ADGRB2: variants seen among roughly 807,000 people sequenced by gnomAD.
ADGRB2 encodes adhesion G protein-coupled receptor B2.
A neutral mutation model predicts 178.7 loss-of-function variants in ADGRB2; 47 were observed. That is an observed-to-expected ratio of 0.26 (90% CI 0.21 to 0.34). The LOEUF (loss-of-function observed/expected upper bound fraction) is 0.34, where lower values mean the gene tolerates loss of function less well. ADGRB2 is among the 10% of genes least tolerant of loss of function. The pLI, the probability that ADGRB2 is intolerant of heterozygous loss-of-function variation, is 1.00. For missense variants in ADGRB2, 1,584 were observed against 2,180.8 expected (o/e 0.73, Z 5.45); for synonymous variants, 870 against 912.4 (o/e 0.95, Z 0.84).
Position 31,737,253 on chromosome 1 carries a change from CT to C in ADGRB2, c.2979+175del, listed in dbSNP as rs1185317810. Among the ~76,000 whole-genome samples the C allele has an allele frequency of 2.6e-5, 4 of 152,296 alleles. No individual in the cohort carries two copies. The East Asian group carries it at 5.8e-4, about 22-fold the overall frequency. ...AGTTCCTCACTTGAGTACACACCCC[CT>C]CTCCAATGTCCTCACATATGGTCTC... On this transcript the variant is annotated intron_variant, in intron 20 of 32. Coordinates refer to ENST00000373658, the MANE Select transcript of ADGRB2 (RefSeq NM_001364857.2).
rs1647140569 is a variant in ADGRB2, at chr1:31,764,326, C to A, written c.-633G>T. ...GCCGCTCCGGCCGCTGCCCGCAGCG[C>A]GCGCCGGGCCGAGTGACGGCCGAGG... On this transcript the variant is annotated 5_prime_UTR_variant, in exon 1 of 33. Coordinates refer to ENST00000373658, the MANE Select transcript of ADGRB2 (RefSeq NM_001364857.2). The surrounding 1 kb of genome is among the most constrained non-coding windows in gnomAD (Gnocchi z 7.3). The A allele has an allele frequency of 6.5e-6, 1 of 154,714 alleles. No homozygotes were observed. The highest frequency in any genetic ancestry group is 2.5e-5 in the African/African-American group (1 of 40,602). 9.6% of individuals were successfully genotyped at this position (154,714 alleles called of 1,614,324 possible).
At chr1:31,736,875 A>G in intron 20 of ADGRB2, 152 bp from the exon 21 acceptor site, 1 of 1,217,716 alleles carries the variant, frequency 8.2e-7, no homozygotes, top group Middle Eastern at 2.9e-4. Context: ...GCCTTCCTGC[A>G]CCCACACACA....
rs1569681687 is a variant in ADGRB2 at position 31,727,878 on chromosome 1, C to T, written c.4572+147G>A. On this transcript the variant is annotated intron_variant, in intron 32 of 32. Transcript: ENST00000373658. This position sits in a 1 kb window ranked among gnomAD's most constrained non-coding sequence, Gnocchi z 4.4. ...CTGTTCGCCATCTGCAGCACCTTCC[C>T]CACCCCCAGGCGGCCCCAGACTGTT... 1 of 1,150,890 alleles carries T rather than the reference C, an allele frequency of 8.7e-7. No homozygotes were observed. Among genetic ancestry groups the T allele is most frequent in the East Asian group, 2.6e-5 (1 of 38,782 alleles). 71.3% of individuals were successfully genotyped at this position (1,150,890 alleles called of 1,614,324 possible). A position where few individuals can be genotyped will look rare whatever the true frequency, so the allele number is the denominator to read the frequency against.
In ADGRB2 at chr1:31,739,529, G is replaced by A; in HGVS notation, c.2274C>T (p.Arg758=). The change falls in exon 15 of 33, where the codon CGC becomes CGT. Residue 758 remains arginine, a synonymous_variant. Transcript: ENST00000373658. The part of the protein sequence containing the change: ...MKDWVRHSED[R]LFLPKEVLSL... ...TGAGCACCTCCTTGGGCAGGAAGAG[G>A]CGGTCCTCTGAGTGCCGCACCCAGT... 6.2e-7 allele frequency: 1 copy of A among 1,613,120 alleles called. No homozygotes were observed. Among genetic ancestry groups the A allele is most frequent in the Non-Finnish European group, 8.5e-7 (1 of 1,179,968 alleles).
intron 14 of ADGRB2, 95 bp downstream of exon 14, chr1:31,739,831 C>A: frequency 7.7e-7 from 1 of 1,296,286 alleles, no homozygotes; most frequent in Non-Finnish European, 1.1e-6. Context: ...AGAATGTGGA[C>A]AGAAAGATAC....
intron 6 of ADGRB2, 71 bp from the exon 7 acceptor site, chr1:31,743,073 G>A (rs376564200): frequency 1.2e-5 from 16 of 1,336,558 alleles, no homozygotes; most frequent in South Asian, 1.8e-5. Context: ...CTGCCCATCC[G>A]CCCACCAATC....
chr1:31,730,313 T>C (rs779307445), intron 29 of ADGRB2, among the ~76,000 whole-genome samples: 2 of 152,184 alleles, frequency 1.3e-5, no homozygotes, highest in Non-Finnish European at 2.9e-5. Context: ...TCCCCAATTA[T>C]CTAGCACTTT....
rs1471696134 is a variant in ADGRB2, at chr1:31,735,966, T to C, written c.3201-73A>G. The C allele has an allele frequency of 6.9e-7, 1 of 1,439,746 alleles. No homozygotes were observed. The highest frequency in any genetic ancestry group is 9.4e-7 in the Non-Finnish European group (1 of 1,062,786). 89.2% of individuals were successfully genotyped at this position (1,439,746 alleles called of 1,614,324 possible). On this transcript the variant is annotated intron_variant, in intron 22 of 32. Transcript: ENST00000373658. This position sits in a 1 kb window ranked among gnomAD's most constrained non-coding sequence, Gnocchi z 6.0. ...CCCACCCTCAAACACCATCCCTCAGTCCTCCCAGGCTGCCATGCCCGCATC... is the reference window on the plus strand; with the variant it reads ...CCCACCCTCAAACACCATCCCTCAGCCCTCCCAGGCTGCCATGCCCGCATC...
Position 31,756,434 on chromosome 1 carries a change from C to T in ADGRB2, c.403G>A (p.Ala135Thr), listed in dbSNP as rs761267523. Residue 135 changes from alanine (A) to threonine (T), a missense_variant, in exon 4 of 33, where the codon GCG (alanine) becomes ACG (threonine). By Grantham distance (58) the Ala-to-Thr change is moderately conservative (BLOSUM62 0). Around this residue, in one of 3 missense-constraint regions of ADGRB2, gnomAD observed 657 missense variants for 847.6 expected, o/e 0.78. Coordinates refer to ENST00000373658, the MANE Select transcript of ADGRB2 (RefSeq NM_001364857.2). This position sits in a 1 kb window ranked among gnomAD's most constrained non-coding sequence, Gnocchi z 8.5. The stretch of plus-strand genomic sequence containing the variant: ...CTGCACAGCTCCAACCCCGCTGCCG[C>T]CTCTGCCTCCTCCTCTTCTGGCCGC... ...VGRPEEEEAE[A>T]AAGLELCSGS... 3 of 1,611,920 alleles carry T rather than the reference C, an allele frequency of 1.9e-6. No individual in the cohort carries two copies. The highest frequency in any genetic ancestry group is 2.5e-6 in the Non-Finnish European group (3 of 1,179,242).
At chr1:31,742,453 A>AAGAG (rs1001004714) in intron 7 of ADGRB2, among the ~76,000 whole-genome samples, 1 of 152,190 alleles carries the variant, frequency 6.6e-6, no homozygotes, top group Admixed American at 6.5e-5. Context: ...CTCTCCTCTT[A>AAGAG]GCACAAGGCA....
At position 31,755,130 on chromosome 1, in the gene ADGRB2, A is replaced by G. The variant is rs1216725628; in HGVS notation, c.838+869T>C. ...CCAGACCTGCCTCCTTCCCATCCCC[A>G]TGTCATCAGTCCCTGTTCCCTCCAG... is the stretch of plus-strand genomic sequence containing the variant. On this transcript the variant is annotated intron_variant, in intron 4 of 32. Transcript: ENST00000373658. This position sits in a 1 kb window ranked among gnomAD's most constrained non-coding sequence, Gnocchi z 5.1. Among the ~76,000 whole-genome samples, 1 of 152,040 alleles carries G rather than the reference A, an allele frequency of 6.6e-6. No homozygotes were observed. Among genetic ancestry groups the G allele is most frequent in the Admixed American group, 6.5e-5 (1 of 15,276 alleles).
intron 29 of ADGRB2, among the ~76,000 whole-genome samples, chr1:31,730,141 G>T (rs143353813): frequency 0.017 from 2,534 of 152,320 alleles, 40 homozygotes; most frequent in Middle Eastern, 0.031. Flanking sequence ...GTGATCCTCT[G>T]CAGGGAGCAG....
At position 31,727,339 on chromosome 1, in the gene ADGRB2, G is replaced by T; in HGVS notation, c.*81C>A. Reference sequence around the variant, plus strand: ...CCCTCGGGAGAGGGGAGAGGGCGCTGGCTCCTGGGTAGTTCCAAAGTGGAG... The same window carrying T: ...CCCTCGGGAGAGGGGAGAGGGCGCTTGCTCCTGGGTAGTTCCAAAGTGGAG... On this transcript the variant is annotated 3_prime_UTR_variant, in exon 33 of 33. Transcript: ENST00000373658. This position sits in a 1 kb window ranked among gnomAD's most constrained non-coding sequence, Gnocchi z 4.4. 1 of 1,451,574 alleles carries T rather than the reference G, an allele frequency of 6.9e-7. No homozygotes were observed. 89.9% of individuals were successfully genotyped at this position (1,451,574 alleles called of 1,614,324 possible).
In ADGRB2 at chr1:31,756,084, C is replaced by G; in HGVS notation, c.753G>C (p.Leu251=). The G allele has an allele frequency of 6.2e-7, 1 of 1,614,010 alleles. No individual in the cohort carries two copies. Among genetic ancestry groups the G allele is most frequent in the Non-Finnish European group, 8.5e-7 (1 of 1,179,984 alleles). ...PPAAHTLSNA[L]VPGGPAPPAE... ...CAGGTGGGGCTGGGCCCCCGGGCAC[C>G]AGGGCATTGGACAGGGTGTGGGCAG... The change falls in exon 4 of 33, where the codon CTG becomes CTC. Residue 251 remains leucine, a synonymous_variant. Coordinates refer to ENST00000373658, the MANE Select transcript of ADGRB2 (RefSeq NM_001364857.2). This position sits in a 1 kb window ranked among gnomAD's most constrained non-coding sequence, Gnocchi z 8.5.
At chr1:31,736,793 C>A (rs904524030) in intron 20 of ADGRB2, 70 bp from the exon 21 acceptor site, 2 of 1,542,922 alleles carry the variant, frequency 1.3e-6, no homozygotes, top group Non-Finnish European at 8.7e-7. Flanking sequence ...GGGCTTCCCA[C>A]GCCCGCTGCT....
In ADGRB2 at chr1:31,761,453, C is replaced by T. The variant is rs544110083; in HGVS notation, c.-191+2431G>A. On this transcript the variant is annotated intron_variant, in intron 1 of 32. Coordinates refer to ENST00000373658, the MANE Select transcript of ADGRB2 (RefSeq NM_001364857.2). This position sits in a 1 kb window ranked among gnomAD's most constrained non-coding sequence, Gnocchi z 4.2. ...TGAGTGATTTCCCACCTGGGCTCCC[C>T]CTAACAGGCTGCCTGCCTTCGGGGA... 1.3e-5 allele frequency among the ~76,000 whole-genome samples: 2 copies of T among 152,348 alleles called. No individual in the cohort carries two copies. Among genetic ancestry groups the T allele is most frequent in the East Asian group, 3.9e-4 (2 of 5,194 alleles).
chr1:31,735,105 T>TG lies in ADGRB2; in HGVS notation c.3452+77_3452+78insC. 4 of 1,033,496 alleles carry TG rather than the reference T, an allele frequency of 3.9e-6. No individual in the cohort carries two copies. Among genetic ancestry groups the TG allele is most frequent in the Non-Finnish European group, 5.4e-6 (4 of 746,974 alleles). 64.0% of individuals were successfully genotyped at this position (1,033,496 alleles called of 1,614,324 possible). ...GGCACTGGGCTGATATCCCTCCTCCTCCCCCCACCATGGGCACTGCCCCCC... is the reference window on the plus strand; with the variant it reads ...GGCACTGGGCTGATATCCCTCCTCCTGCCCCCCACCATGGGCACTGCCCCCC... On this transcript the variant is annotated intron_variant, in intron 25 of 32. Coordinates refer to ENST00000373658, the MANE Select transcript of ADGRB2 (RefSeq NM_001364857.2). This position sits in a 1 kb window ranked among gnomAD's most constrained non-coding sequence, Gnocchi z 6.0.
At chr1:31,746,560 G>T (rs1393567462) in intron 4 of ADGRB2, among the ~76,000 whole-genome samples, 1 of 152,156 alleles carries the variant, frequency 6.6e-6, no homozygotes, top group Non-Finnish European at 1.5e-5. Flanking sequence ...GGGCGCCCGG[G>T]ACTTCTCAGT....
At position 31,756,037 on chromosome 1, in the gene ADGRB2, C is replaced by T; in HGVS notation, c.800G>A (p.Gly267Glu). Reference sequence around the variant, plus strand: ...GGTTGTGAACAGATCATTGCTGCTCCCCGAGTGCAAATCGGCCTCAGCAGG... The same window carrying T: ...GGTTGTGAACAGATCATTGCTGCTCTCCGAGTGCAAATCGGCCTCAGCAGG... ...APPAEADLHS[G>E]SSNDLFTTEM... The change falls in exon 4 of 33, where the codon GGG (glycine) becomes GAG (glutamate). Residue 267 changes from glycine to glutamate, a missense_variant. Physicochemically the swap from Gly to Glu is moderately conservative, Grantham distance 98. Around this residue, in one of 3 missense-constraint regions of ADGRB2, gnomAD observed 657 missense variants for 847.6 expected, o/e 0.78. Transcript: ENST00000373658. The surrounding 1 kb of genome is among the most constrained non-coding windows in gnomAD (Gnocchi z 8.5). 1.2e-6 allele frequency: 2 copies of T among 1,613,880 alleles called. No individual in the cohort carries two copies. The highest frequency in any genetic ancestry group is 1.1e-5 in the South Asian group (1 of 91,052).
Sources: gnomAD v4.1 joint callset for allele counts (sites outside exome capture counted in the v4.1 genomes callset) on GRCh38, gnomAD v4.1.1 for gene constraint, gnomAD v4.1.1 regional missense constraint, Gnocchi (gnomAD v3.1) non-coding constraint, MANE v1.5 for transcripts, NCBI Gene and HGNC (gene_info 2026-07-23, HGNC 2026-07-21) for gene names.